The following RIGI variants were observed in gnomAD, a reference collection of about 807,000 sequenced individuals.
The protein encoded by RIGI is antiviral innate immune response receptor RIG-I.
At chr9:32,508,910 TTGGGGGAG>T in the RIGI span, among the ~76,000 whole-genome samples, 5 of 152,230 alleles carry the variant, frequency 3.3e-5, no homozygotes, top group Middle Eastern at 3.4e-3. Flanking sequence ...TCAAGCTTGG[TTGGGGGAG>T]GGGCATCCAC....
the RIGI span, among the ~76,000 whole-genome samples, chr9:32,463,538 T>C: frequency 6.6e-6 from 1 of 152,236 alleles, no homozygotes; most frequent in South Asian, 2.1e-4. Flanking sequence ...TTCAATTAAA[T>C]ACTAATAATC....
At chr9:32,502,944 GAA>G in the RIGI span, among the ~76,000 whole-genome samples, 1 of 152,194 alleles carries the variant, frequency 6.6e-6, no homozygotes, top group South Asian at 2.1e-4. Context: ...CCTCTGTAAA[GAA>G]ACAGTCTCCC....
chr9:32,461,339 C>G, the RIGI span, among the ~76,000 whole-genome samples: 1 of 152,192 alleles, frequency 6.6e-6, no homozygotes, highest in Non-Finnish European at 1.5e-5. Context: ...AAAAGGAACC[C>G]TGAAGCCTCA....
chr9:32,489,362 T>C, the RIGI span: 95 of 1,611,852 alleles, frequency 5.9e-5, no homozygotes, highest in East Asian at 2.0e-3. Context: ...GCACATATTA[T>C]TGTGTTTTTT....
At chr9:32,459,373 C>T in the RIGI span, 2 of 1,612,916 alleles carry the variant, frequency 1.2e-6, no homozygotes, top group Non-Finnish European at 1.7e-6. Context: ...CAGCTTACCT[C>T]TATCACTCTT....
At chr9:32,473,960 AT>A in the RIGI span, among the ~76,000 whole-genome samples, 2 of 152,200 alleles carry the variant, frequency 1.3e-5, no homozygotes, top group Admixed American at 1.3e-4. Context: ...CCGGGGAGGC[AT>A]AGGTTGCAGT....
chr9:32,495,648 A>G, the RIGI span, among the ~76,000 whole-genome samples: 1 of 147,796 alleles, frequency 6.8e-6, no homozygotes. Context: ...ATGTCTATTC[A>G]AGTCCTTTGC....
At chr9:32,487,418 G>C in the RIGI span, 25 of 1,551,534 alleles carry the variant, frequency 1.6e-5, no homozygotes, top group Middle Eastern at 1.8e-4. Context: ...CTCTGAACTA[G>C]AGGTAGTAGA....
the RIGI span, among the ~76,000 whole-genome samples, chr9:32,520,072 T>G: frequency 6.6e-6 from 1 of 152,182 alleles, no homozygotes; most frequent in East Asian, 1.9e-4. Flanking sequence ...ACTTTTTAAA[T>G]GAAAGATTTA....
At chr9:32,467,338 AT>A in the RIGI span, among the ~76,000 whole-genome samples, 1 of 152,302 alleles carries the variant, frequency 6.6e-6, no homozygotes, top group East Asian at 1.9e-4. Flanking sequence ...AGCTGTACTT[AT>A]GGAATTTTAA....
chr9:32,492,661 T>A, the RIGI span: 18 of 1,133,360 alleles, frequency 1.6e-5, no homozygotes, highest in Non-Finnish European at 2.3e-5. Flanking sequence ...TACAGCTCAG[T>A]GGGTCATATC....
At chr9:32,464,549 C>G in the RIGI span, among the ~76,000 whole-genome samples, 4 of 152,286 alleles carry the variant, frequency 2.6e-5, no homozygotes, top group East Asian at 7.7e-4. Context: ...GTCACCGCGC[C>G]TGGCTAATTT....
the RIGI span, among the ~76,000 whole-genome samples, chr9:32,504,069 C>CACACA: frequency 6.1e-5 from 3 of 48,808 alleles, no homozygotes; most frequent in African/African-American, 1.5e-4. Flanking sequence ...ACACACACAC[C>CACACA]CAGGTCTGCC....
At chr9:32,471,249 C>G in the RIGI span, among the ~76,000 whole-genome samples, 109 of 150,990 alleles carry the variant, frequency 7.2e-4, no homozygotes, top group African/African-American at 2.5e-3. Flanking sequence ...AAGACTCTGT[C>G]TCAAAAATAA....
the RIGI span, among the ~76,000 whole-genome samples, chr9:32,483,731 C>T: frequency 1.3e-5 from 2 of 151,992 alleles, no homozygotes; most frequent in South Asian, 2.1e-4. Flanking sequence ...CCAGCTCACA[C>T]ACTCCTCCCC....
At chr9:32,479,665 C>T in the RIGI span, among the ~76,000 whole-genome samples, 12 of 151,716 alleles carry the variant, frequency 7.9e-5, no homozygotes, top group African/African-American at 2.9e-4. Flanking sequence ...GGCAAAACTC[C>T]ATCTCTACTA....
At chr9:32,461,585 G>A in the RIGI span, among the ~76,000 whole-genome samples, 2 of 152,156 alleles carry the variant, frequency 1.3e-5, no homozygotes, top group Non-Finnish European at 2.9e-5. Flanking sequence ...TCTGCTTCAC[G>A]GACTGTCAGG....
the RIGI span, chr9:32,488,708 G>T: frequency 4.7e-6 from 7 of 1,499,094 alleles, no homozygotes; most frequent in Non-Finnish European, 5.3e-6. Flanking sequence ...TGGAGAAAAA[G>T]AAGTTGAAGC....
chr9:32,476,341 A>G, the RIGI span, among the ~76,000 whole-genome samples: 2 of 152,080 alleles, frequency 1.3e-5, no homozygotes, highest in African/African-American at 4.8e-5. Flanking sequence ...ACAAAAATAA[A>G]TAAACAAATT....
Sources: gnomAD v4.1 joint callset for allele counts (sites outside exome capture counted in the v4.1 genomes callset) on GRCh38, gnomAD v4.1.1 for gene constraint, MANE v1.5 for transcripts, NCBI Gene and HGNC (gene_info 2026-07-23, HGNC 2026-07-21) for gene names.